The following RNF13 variants were observed in gnomAD, a reference collection of about 807,000 sequenced individuals.
RNF13 encodes ring finger protein 13, also known as E3 ubiquitin-protein ligase RNF13.
In RNF13, 19 loss-of-function variants were observed where a neutral mutation model predicts 37.7. That is an observed-to-expected ratio of 0.50 (90% CI 0.35 to 0.74). The LOEUF (loss-of-function observed/expected upper bound fraction) is 0.74, where lower values mean the gene tolerates loss of function less well. Ranked by LOEUF, RNF13 falls within the 30% of genes least tolerant of loss-of-function variation. The pLI, the probability that RNF13 is intolerant of heterozygous loss-of-function variation, is 0.01. For missense variants in RNF13, 375 were observed against 453.0 expected (o/e 0.83, Z 1.56); for synonymous variants, 144 against 157.8 (o/e 0.91, Z 0.65).
At chr3:149,908,054 A>T (rs770150918) in intron 6 of RNF13, among the ~76,000 whole-genome samples, 6 of 152,260 alleles carry the variant, frequency 3.9e-5, no homozygotes, top group Admixed American at 1.3e-4. Context: ...TGACAAGAAG[A>T]AAATGAGTTG....
rs550344252 is a variant in RNF13, at chr3:149,905,743, A to G, written c.500+3581A>G. 2.2e-4 allele frequency among the ~76,000 whole-genome samples: 34 copies of G among 152,006 alleles called. No individual in the cohort carries two copies. In the South Asian group the frequency reaches 5.8e-3, roughly 26 times the overall value. Reference sequence around the variant, plus strand: ...TATAGCTTGAAGAATGGATCCAATCATATCTTTTTCCAAATAGCCATCAGT... The same window carrying G: ...TATAGCTTGAAGAATGGATCCAATCGTATCTTTTTCCAAATAGCCATCAGT... On this transcript the variant is annotated intron_variant, in intron 6 of 9. Coordinates refer to ENST00000392894, the MANE Select transcript of RNF13 (RefSeq NM_183381.3).
chr3:149,837,791 T>C (rs1576740081), intron 1 of RNF13, among the ~76,000 whole-genome samples: 1 of 152,050 alleles, frequency 6.6e-6, no homozygotes, highest in Non-Finnish European at 1.5e-5. Flanking sequence ...CCAAATCTCA[T>C]GTCCTCATAT....
chr3:149,884,158 CTT>C (rs1217634525), intron 4 of RNF13, among the ~76,000 whole-genome samples: 16 of 152,000 alleles, frequency 1.1e-4, no homozygotes, highest in Admixed American at 3.9e-4. Context: ...TGTCTAGTAA[CTT>C]TTGATTAGAT....
chr3:149,820,787 T>A (rs2108313146), intron 1 of RNF13, among the ~76,000 whole-genome samples: 1 of 152,344 alleles, frequency 6.6e-6, no homozygotes, highest in Admixed American at 6.5e-5. Context: ...TAAAATCTCA[T>A]ACCTATTAAG....
At chr3:149,831,155 A>T (rs1036457554) in intron 1 of RNF13, among the ~76,000 whole-genome samples, 1 of 152,228 alleles carries the variant, frequency 6.6e-6, no homozygotes, top group African/African-American at 2.4e-5. Context: ...AGGGAAATAC[A>T]GTGTTGGAGC....
At chr3:149,867,331 T>C (rs1711501336) in intron 3 of RNF13, among the ~76,000 whole-genome samples, 1 of 152,014 alleles carries the variant, frequency 6.6e-6, no homozygotes, top group Non-Finnish European at 1.5e-5. Flanking sequence ...AGTGGCCCTA[T>C]CTCGGCTCAC....
At chr3:149,949,429 CTTTT>C (rs76888636) in intron 8 of RNF13, among the ~76,000 whole-genome samples, 3 of 136,730 alleles carry the variant, frequency 2.2e-5, no homozygotes, top group East Asian at 2.1e-4. Flanking sequence ...TACTGGGTTG[CTTTT>C]TTTTTTTTTT....
At chr3:149,859,189 AGT>A (rs1239733633) in intron 3 of RNF13, among the ~76,000 whole-genome samples, 1 of 152,232 alleles carries the variant, frequency 6.6e-6, no homozygotes, top group Non-Finnish European at 1.5e-5. Flanking sequence ...CAAAGGTCAG[AGT>A]TCCTTTTTCA....
intron 8 of RNF13, among the ~76,000 whole-genome samples, chr3:149,952,085 A>T (rs1340417220): frequency 6.6e-6 from 1 of 152,166 alleles, no homozygotes; most frequent in Non-Finnish European, 1.5e-5. Flanking sequence ...CATTTTTGAG[A>T]CAAACTAATT....
chr3:149,856,897 G>A (rs1450823205), intron 3 of RNF13, among the ~76,000 whole-genome samples: 7 of 152,130 alleles, frequency 4.6e-5, no homozygotes, highest in East Asian at 1.9e-4. Flanking sequence ...ACAGGCGCCC[G>A]CCACTACGCA....
At chr3:149,846,526 A>C (rs756898440) in intron 2 of RNF13, among the ~76,000 whole-genome samples, 2 of 152,118 alleles carry the variant, frequency 1.3e-5, no homozygotes, top group Non-Finnish European at 2.9e-5. Context: ...GCTGGTCTTG[A>C]ACTCCTGAAC....
At chr3:149,913,785 G>C (rs1189549974) in intron 7 of RNF13, among the ~76,000 whole-genome samples, 1 of 152,132 alleles carries the variant, frequency 6.6e-6, no homozygotes, top group Non-Finnish European at 1.5e-5. Flanking sequence ...TCATATTTGA[G>C]GGTATATGGT....
At chr3:149,830,908 TA>T (rs544841011) in intron 1 of RNF13, among the ~76,000 whole-genome samples, 52 of 152,284 alleles carry the variant, frequency 3.4e-4, no homozygotes, top group African/African-American at 1.2e-3. Context: ...TCCTGGGTCC[TA>T]GCTGTGGCTA....
At chr3:149,904,643 A>G (rs1409709835) in intron 6 of RNF13, among the ~76,000 whole-genome samples, 2 of 152,086 alleles carry the variant, frequency 1.3e-5, no homozygotes, top group African/African-American at 2.4e-5. Context: ...CTTACCCCCA[A>G]CTGTGATTTT....
intron 1 of RNF13, chr3:149,814,344 A>G (rs188911314): frequency 6.6e-6 from 1 of 152,350 alleles, no homozygotes; most frequent in Admixed American, 6.5e-5. Context: ...AGGGCTTTCA[A>G]GAGTTTATGC....
intron 8 of RNF13, among the ~76,000 whole-genome samples, chr3:149,941,812 A>G (rs1400627439): frequency 6.6e-6 from 1 of 151,500 alleles, no homozygotes; most frequent in Non-Finnish European, 1.5e-5. Context: ...GGAGTTTAAT[A>G]GTTTTAGGCC....
At chr3:149,864,928 G>A (rs1472492649) in intron 3 of RNF13, among the ~76,000 whole-genome samples, 1 of 151,962 alleles carries the variant, frequency 6.6e-6, no homozygotes, top group Non-Finnish European at 1.5e-5. Flanking sequence ...TTAATGTCGA[G>A]GTCACTAGCA....
chr3:149,959,416 T>C (rs1385859342), intron 8 of RNF13, among the ~76,000 whole-genome samples: 1 of 151,426 alleles, frequency 6.6e-6, no homozygotes. Flanking sequence ...TCTATGATTA[T>C]AAAACTGATA....
intron 5 of RNF13, among the ~76,000 whole-genome samples, chr3:149,898,600 T>C (rs1245901324): frequency 6.6e-6 from 1 of 152,120 alleles, no homozygotes; most frequent in South Asian, 2.1e-4. Context: ...AGTACCTAAG[T>C]TATTTAGTTG....
Sources: gnomAD v4.1 joint callset for allele counts (sites outside exome capture counted in the v4.1 genomes callset) on GRCh38, gnomAD v4.1.1 for gene constraint, MANE v1.5 for transcripts, NCBI Gene and HGNC (gene_info 2026-07-23, HGNC 2026-07-21) for gene names.